OSBPL10: variants seen among roughly 807,000 people sequenced by gnomAD.
OSBPL10 encodes oxysterol binding protein like 10, also known as oxysterol-binding protein-related protein 10.
Under a neutral mutation model 81.7 loss-of-function variants are expected in OSBPL10, and 49 were observed. The observed-to-expected ratio is 0.60, with a 90% CI of 0.48 to 0.76. The LOEUF is 0.76. Ranked by LOEUF, OSBPL10 falls within the 30% of genes least tolerant of loss-of-function variation. The pLI is 0.00. For missense variants in OSBPL10, 923 were observed against 987.8 expected, an observed-to-expected ratio of 0.93 and a Z score of 0.88; for synonymous variants, 419 against 383.6, an observed-to-expected ratio of 1.09 and a Z score of -1.08.
At chr3:31,777,453 T>C (rs893775370) in intron 4 of OSBPL10, among the ~76,000 whole-genome samples, 14 of 152,204 alleles carry the variant, frequency 9.2e-5, no homozygotes, top group African/African-American at 3.4e-4. Flanking sequence ...TAATGTCCCT[T>C]TCTCTGCAAG....
At chr3:31,909,709 G>A (rs1052519251) in intron 1 of OSBPL10, among the ~76,000 whole-genome samples, 3 of 151,966 alleles carry the variant, frequency 2.0e-5, no homozygotes, top group Admixed American at 6.6e-5. Context: ...AACCCTCAGC[G>A]ACCACATCAG....
chr3:31,783,114 TATATATATATATATATATA>T (rs1698743292), intron 4 of OSBPL10, among the ~76,000 whole-genome samples: 1 of 20,214 alleles, frequency 4.9e-5, no homozygotes, highest in African/African-American at 1.7e-4. Context: ...ATATCTATTA[TATATATATATATATATATA>T]TATATATATA....
At chr3:31,966,407 CTA>C (rs1385007168) in intron 1 of OSBPL10, among the ~76,000 whole-genome samples, 2 of 150,962 alleles carry the variant, frequency 1.3e-5, no homozygotes, top group Admixed American at 6.6e-5. Flanking sequence ...AACTAAAAAA[CTA>C]TATATAAAGT....
chr3:31,929,485 C>A (rs1036754413), intron 1 of OSBPL10, among the ~76,000 whole-genome samples: 2 of 152,112 alleles, frequency 1.3e-5, no homozygotes, highest in Non-Finnish European at 2.9e-5. Flanking sequence ...CGGTGGCTCA[C>A]GCCTGTAATA....
At chr3:31,836,530 A>C in intron 3 of OSBPL10, among the ~76,000 whole-genome samples, 3 of 146,074 alleles carry the variant, frequency 2.1e-5, no homozygotes, top group African/African-American at 7.6e-5. Flanking sequence ...TCCACCAATC[A>C]TCTAACCCCC....
intron 8 of OSBPL10, among the ~76,000 whole-genome samples, chr3:31,672,377 A>AGGGGGGGGGGGGGGGG (rs1700345044): frequency 3.8e-5 from 1 of 26,112 alleles, no homozygotes; most frequent in African/African-American, 1.3e-4. Context: ...GGGGGGCAGG[A>AGGGGGGGGGGGGGGGG]GGGAGGGAGA....
At chr3:31,798,246 A>G (rs543290131) in intron 4 of OSBPL10, among the ~76,000 whole-genome samples, 78 of 152,272 alleles carry the variant, frequency 5.1e-4, no homozygotes, top group Non-Finnish European at 9.8e-4. Flanking sequence ...GCTGGCCAAC[A>G]TGATGAAACC....
intron 1 of OSBPL10, among the ~76,000 whole-genome samples, chr3:31,973,795 A>G (rs184677394): frequency 3.7e-4 from 57 of 152,352 alleles, no homozygotes; most frequent in African/African-American, 1.3e-3. Context: ...AGCACTTTCT[A>G]CATAGGATGG....
intron 4 of OSBPL10, among the ~76,000 whole-genome samples, chr3:31,810,342 T>C (rs558080103): frequency 6.6e-5 from 10 of 152,318 alleles, no homozygotes; most frequent in Admixed American, 3.3e-4. Context: ...ATATGTAATA[T>C]GTCTCAATAA....
intron 1 of OSBPL10, among the ~76,000 whole-genome samples, chr3:31,908,885 G>T (rs918930371): frequency 3.3e-5 from 5 of 152,152 alleles, no homozygotes; most frequent in Non-Finnish European, 7.3e-5. Flanking sequence ...GTTTTATTTG[G>T]CTTTCACTTA....
intron 4 of OSBPL10, among the ~76,000 whole-genome samples, chr3:31,828,852 C>T (rs1015315539): frequency 3.3e-5 from 5 of 152,264 alleles, no homozygotes; most frequent in Admixed American, 2.0e-4. Context: ...CTTTTTAACA[C>T]ATCAGGGTGA....
chr3:31,747,789 G>C, intron 5 of OSBPL10, 121 bp downstream of exon 5: 1 of 1,010,982 alleles, frequency 9.9e-7, no homozygotes, highest in South Asian at 1.4e-5. Flanking sequence ...AGAAATACTT[G>C]GATATAAGGA....
chr3:31,934,289 A>G (rs755932307), intron 1 of OSBPL10, among the ~76,000 whole-genome samples: 19 of 151,958 alleles, frequency 1.3e-4, no homozygotes, highest in Non-Finnish European at 2.1e-4. Context: ...TGGCCCATTT[A>G]AAAAACAACA....
At chr3:31,811,574 G>C (rs1204588679) in intron 4 of OSBPL10, among the ~76,000 whole-genome samples, 2 of 152,182 alleles carry the variant, frequency 1.3e-5, no homozygotes, top group African/African-American at 4.8e-5. Context: ...ACAGGAAAAA[G>C]AAACAGTTCC....
intron 2 of OSBPL10, among the ~76,000 whole-genome samples, chr3:31,998,816 A>G (rs1452297911): frequency 2.6e-5 from 4 of 152,124 alleles, no homozygotes; most frequent in Non-Finnish European, 4.4e-5. Flanking sequence ...GCCATTGGCT[A>G]TGGTAGATCT....
intron 1 of OSBPL10, among the ~76,000 whole-genome samples, chr3:31,965,256 G>A (rs1341455370): frequency 6.7e-6 from 1 of 150,186 alleles, no homozygotes; most frequent in Non-Finnish European, 1.5e-5. Context: ...TGTAGTCCCA[G>A]CTACTCGGGA....
intron 4 of OSBPL10, among the ~76,000 whole-genome samples, chr3:31,797,520 T>G (rs1699261054): frequency 6.6e-6 from 1 of 152,106 alleles, no homozygotes. Flanking sequence ...AATCGCCTCA[T>G]GCAAACCGTT....
At chr3:31,664,945 C>G (rs1219601123) in intron 10 of OSBPL10, among the ~76,000 whole-genome samples, 6 of 152,142 alleles carry the variant, frequency 3.9e-5, no homozygotes, top group Admixed American at 3.9e-4. Flanking sequence ...CCCAGCTGCT[C>G]TTTGGACACT....
chr3:31,905,345 ATTTTTTTTTT>A lies in OSBPL10; in HGVS notation c.282-25525_282-25516del, dbSNP rs386396290. ...GAGCTCTATGTCAAGGAACCTGGTG[ATTTTTTTTTT>A]TTTTTTTTTTTTTAGACGGACTCCC... On this transcript the variant is annotated intron_variant, in intron 1 of 11. Coordinates refer to ENST00000396556, the MANE Select transcript of OSBPL10 (RefSeq NM_017784.5). Among the ~76,000 whole-genome samples the A allele has an allele frequency of 1.8e-4, 17 of 94,818 alleles. 1 individual carries two copies. In the South Asian group the frequency reaches 4.7e-3, roughly 26 times the overall value. 62.2% of individuals were successfully genotyped at this position (94,818 alleles called of 152,430 possible). A position where few individuals can be genotyped will look rare whatever the true frequency, so the allele number is the denominator to read the frequency against.
Sources: allele counts gnomAD v4.1 joint callset (sites outside exome capture counted in the v4.1 genomes callset), GRCh38; gene constraint gnomAD v4.1.1; transcripts MANE v1.5; gene names NCBI Gene and HGNC (gene_info 2026-07-23, HGNC 2026-07-21).